Variants in HAPLN2 observed in about 807,000 individuals in gnomAD.
HAPLN2 encodes the protein hyaluronan and proteoglycan link protein 2.
HAPLN2 carries 27 observed loss-of-function variants against 29.3 expected under a neutral mutation model. That is an observed-to-expected ratio of 0.92 (90% CI 0.68 to 1.27). The LOEUF is 1.27. HAPLN2 is among the 50% of genes most tolerant of loss of function. The probability of loss-of-function intolerance (pLI) is 0.00; values close to 1 mark genes in which losing one functional copy is unlikely to be tolerated. For missense variants in HAPLN2, 454 were observed against 484.3 expected (o/e 0.94, Z 0.59); for synonymous variants, 208 against 211.7 (o/e 0.98, Z 0.15).
chr1:156,622,139 A>T (rs994478577), intron 2 of HAPLN2, among the ~76,000 whole-genome samples: 1 of 152,114 alleles, frequency 6.6e-6, no homozygotes, highest in African/African-American at 2.4e-5. Flanking sequence ...AGGTGCTAAT[A>T]AAAGTACTTG....
At chr1:156,623,756 T>G (rs1180187356) in intron 3 of HAPLN2, 51 bp from the exon 4 acceptor site, 2 of 1,472,190 alleles carry the variant, frequency 1.4e-6, no homozygotes, top group Non-Finnish European at 9.0e-7. Context: ...TGATGGGCAC[T>G]TGGGGCAGTG....
the HAPLN2 span, among the ~76,000 whole-genome samples, chr1:156,602,812 G>A: frequency 6.6e-6 from 1 of 152,058 alleles, no homozygotes; most frequent in Non-Finnish European, 1.5e-5. Flanking sequence ...CCCTACCCCT[G>A]CAAGCTGTTC....
chr1:156,611,188 C>T, the HAPLN2 span, among the ~76,000 whole-genome samples: 3 of 148,344 alleles, frequency 2.0e-5, no homozygotes, highest in East Asian at 2.1e-4. Context: ...GAGGCTAAGG[C>T]GGGAGGATCA....
upstream of HAPLN2, chr1:156,619,264 C>T (rs931971105): frequency 7.0e-6 from 1 of 143,234 alleles, no homozygotes; most frequent in African/African-American, 2.5e-5. Context: ...GCCGGTCCTG[C>T]ATCCCACATC....
chr1:156,617,650 C>CTT (rs56771313), upstream of HAPLN2, among the ~76,000 whole-genome samples: 3,257 of 137,344 alleles, frequency 0.024, 102 homozygotes, highest in African/African-American at 0.069. Context: ...TGCCCAGCCT[C>CTT]TTTTTTTTTT....
chr1:156,625,290 G>A lies in HAPLN2; in HGVS notation c.929G>A (p.Arg310His). ...VRFPITTPRP[R>H]CGGLPDPGVR... ...TTCCCAATCACCACGCCGAGGCCGC[G>A]CTGCGGGGGGCTCCCGGATCCCGGA... The change falls in exon 7 of 7, where the codon CGC (arginine) becomes CAC (histidine). Residue 310 changes from arginine (R) to histidine (H), a missense_variant. By Grantham distance (29) the Arg-to-His change is conservative (BLOSUM62 0). Transcript: ENST00000255039. The surrounding 1 kb of genome is among the most constrained non-coding windows in gnomAD (Gnocchi z 5.7). 1.3e-6 allele frequency: 2 copies of A among 1,577,668 alleles called. No individual in the cohort carries two copies. The highest frequency in any genetic ancestry group is 1.7e-6 in the Non-Finnish European group (2 of 1,162,720).
intron 2 of HAPLN2, among the ~76,000 whole-genome samples, chr1:156,620,789 C>T (rs930945726): frequency 6.6e-6 from 1 of 152,178 alleles, no homozygotes; most frequent in Non-Finnish European, 1.5e-5. Flanking sequence ...TTCATTAAAC[C>T]ATACACACTT....
chr1:156,617,473 C>T (rs1176898632), upstream of HAPLN2, among the ~76,000 whole-genome samples: 1 of 151,692 alleles, frequency 6.6e-6, no homozygotes, highest in Admixed American at 6.6e-5. Context: ...TCAAGCCTCC[C>T]GAGGAGCTGG....
the HAPLN2 span, among the ~76,000 whole-genome samples, chr1:156,605,090 A>AC: frequency 2.6e-5 from 4 of 151,636 alleles, no homozygotes; most frequent in Admixed American, 6.6e-5. Context: ...ATATGGTGAA[A>AC]CCCCGTCTCT....
chr1:156,623,444 T>A, intron 2 of HAPLN2, 23 bp from the exon 3 acceptor site: 1 of 1,604,158 alleles, frequency 6.2e-7, no homozygotes, highest in Non-Finnish European at 8.5e-7. Context: ...TCCTAAGAAC[T>A]GCCCACTCTT....
the HAPLN2 span, among the ~76,000 whole-genome samples, chr1:156,606,423 TAAAAAAAAAAAAAAA>T: frequency 1.4e-4 from 7 of 49,494 alleles, 1 homozygote; most frequent in Admixed American, 1.5e-3. Flanking sequence ...AGACTCTGTC[TAAAAAAAAAAAAAAA>T]AAAAAAAAAG....
At chr1:156,620,633 C>A (rs933215776) in intron 2 of HAPLN2, among the ~76,000 whole-genome samples, 1 of 152,144 alleles carries the variant, frequency 6.6e-6, no homozygotes, top group Non-Finnish European at 1.5e-5. Context: ...CTATGCATAA[C>A]CTCCGTTTCT....
the HAPLN2 span, among the ~76,000 whole-genome samples, chr1:156,602,290 G>C: frequency 6.6e-6 from 1 of 152,062 alleles, no homozygotes; most frequent in Non-Finnish European, 1.5e-5. Context: ...TGTCCCTTTG[G>C]TACTGGGGGA....
chr1:156,624,909 G>GGGGGGCCCC, intron 6 of HAPLN2, 126 bp downstream of exon 6: 1 of 999,502 alleles, frequency 1.0e-6, no homozygotes, highest in Non-Finnish European at 1.4e-6. Context: ...CCCCCCATCA[G>GGGGGGCCCC]CCCGCCCGCC....
In HAPLN2 at chr1:156,625,444, C is replaced by G. The variant is rs1678421201; in HGVS notation, c.*60C>G. ...AGCTTGGGAGTCGTGGCGGGGGTCT[C>G]TCGCCACCCCTTTCCGGAGAGCCTC... On this transcript the variant is annotated 3_prime_UTR_variant, in exon 7 of 7. Transcript: ENST00000255039. This position sits in a 1 kb window ranked among gnomAD's most constrained non-coding sequence, Gnocchi z 5.7. 1 of 1,465,120 alleles carries G rather than the reference C, an allele frequency of 6.8e-7. No individual in the cohort carries two copies. Among genetic ancestry groups the G allele is most frequent in the African/African-American group, 1.5e-5 (1 of 68,796 alleles). The allele number at this position is 1,465,120 out of a possible 1,614,324, so 90.8% of individuals were successfully genotyped here. A position where few individuals can be genotyped will look rare whatever the true frequency, so the allele number is the denominator to read the frequency against.
rs1678151708 is a variant in HAPLN2, at chr1:156,619,535, G to C, written c.-166G>C. On this transcript the variant is annotated splice_region_variant and 5_prime_UTR_variant, in exon 1 of 7. Transcript: ENST00000255039. Reference sequence around the variant, plus strand: ...GCGCACTCAGGCACCAGAGGGCAGAGGTGAGTACTCTGTTGTGGGGAGAGG... The same window carrying C: ...GCGCACTCAGGCACCAGAGGGCAGACGTGAGTACTCTGTTGTGGGGAGAGG... 1 of 152,218 alleles carries C rather than the reference G, an allele frequency of 6.6e-6. No homozygotes were observed. The highest frequency in any genetic ancestry group is 2.4e-5 in the African/African-American group (1 of 41,410). 9.4% of individuals were successfully genotyped at this position (152,218 alleles called of 1,614,324 possible).
the HAPLN2 span, among the ~76,000 whole-genome samples, chr1:156,604,385 T>G: frequency 6.6e-6 from 1 of 151,552 alleles, no homozygotes; most frequent in African/African-American, 2.4e-5. Context: ...CTCCACCTCC[T>G]AGGTTCAAGC....
Position 156,624,674 on chromosome 1 carries a change from C to T in HAPLN2, c.630C>T (p.Thr210=), listed in dbSNP as rs771334049. ...LEGSVRYPVL[T]ARAPCGGRGR... ...GCTCCGTGCGCTACCCTGTGCTCAC[C>T]GCACGCGCCCCGTGCGGCGGCCGAG... is the stretch of plus-strand genomic sequence containing the variant. Residue 210 remains threonine, a synonymous_variant, in exon 6 of 7, where the codon ACC becomes ACT. Transcript: ENST00000255039. The T allele has an allele frequency of 3.1e-6, 5 of 1,606,218 alleles. No homozygotes were observed. Among genetic ancestry groups the T allele is most frequent in the African/African-American group, 2.7e-5 (2 of 74,666 alleles).
chr1:156,610,129 G>A, the HAPLN2 span, among the ~76,000 whole-genome samples: 1 of 152,036 alleles, frequency 6.6e-6, no homozygotes, highest in Non-Finnish European at 1.5e-5. Context: ...CAGTGAAATC[G>A]CTTGAACCCA....
Sources: gnomAD v4.1 joint callset for allele counts (sites outside exome capture counted in the v4.1 genomes callset) on GRCh38, gnomAD v4.1.1 for gene constraint, Gnocchi (gnomAD v3.1) non-coding constraint, MANE v1.5 for transcripts, NCBI Gene and HGNC (gene_info 2026-07-23, HGNC 2026-07-21) for gene names.